Variants in IQSEC2 observed in about 807,000 individuals in gnomAD.
IQSEC2 encodes the protein IQ motif and SEC7 domain-containing protein 2.
IQSEC2 carries 6 observed loss-of-function variants against 74.6 expected under a neutral mutation model. The observed-to-expected ratio is 0.08, with a 90% CI of 0.04 to 0.16. IQSEC2 has a LOEUF of 0.16. Among genes scored for constraint, IQSEC2 ranks in the 10% least tolerant of loss-of-function variants. IQSEC2 has a pLI of 1.00. For missense variants in IQSEC2, 734 were observed against 1,306.2 expected (o/e 0.56, Z 6.75); for synonymous variants, 494 against 544.5 (o/e 0.91, Z 1.29).
rs782107573 is a variant in IQSEC2 at position 53,254,465 on chromosome X, A to C, written c.1401+65T>G. 59 of 1,079,464 alleles carry C rather than the reference A, an allele frequency of 5.5e-5. No individual in the cohort carries two copies. In the African/African-American group the frequency reaches 1.1e-3, roughly 19 times the overall value. The allele number at this position is 1,079,464 out of a possible 1,213,427, so 89.0% of individuals were successfully genotyped here. A position where few individuals can be genotyped will look rare whatever the true frequency, so the allele number is the denominator to read the frequency against. ...ACTTCTTTCAGTTTGCAATCTAGGT[A>C]AAAAGTAGCAGGAGTAGCCAGAACA... On this transcript the variant is annotated intron_variant, in intron 4 of 14. Transcript: ENST00000642864.
At position 53,234,635 on chromosome X, in the gene IQSEC2, G is replaced by C; in HGVS notation, c.4051C>G (p.Pro1351Ala). Residue 1351 changes from proline (P) to alanine (A), a missense_variant, in exon 15 of 15, where the codon CCT (proline) becomes GCT (alanine). Pro to Ala is a conservative substitution (Grantham distance 27, BLOSUM62 -1). Around this residue, in one of 12 missense-constraint regions of IQSEC2, gnomAD observed 249 missense variants for 467.9 expected, o/e 0.53. Coordinates refer to ENST00000642864, the MANE Select transcript of IQSEC2 (RefSeq NM_001111125.3). ...RAPRRGAGGH[P>A]QFAPHGRHPL... is the part of the protein sequence containing the mutation. ...TGGCGGCCATGTGGAGCAAACTGAG[G>C]GTGTCCTCCAGCCCCCCGTCTGGGT... 8.8e-7 allele frequency: 1 copy of C among 1,138,031 alleles called. No homozygotes were observed. The highest frequency in any genetic ancestry group is 1.2e-6 in the Non-Finnish European group (1 of 858,302). 93.8% of individuals were successfully genotyped at this position (1,138,031 alleles called of 1,213,427 possible).
intron 1 of IQSEC2, among the ~76,000 whole-genome samples, chrX:53,309,832 C>G (rs1030405493): frequency 8.9e-6 from 1 of 112,258 alleles, no homozygotes; most frequent in Non-Finnish European, 1.9e-5. Context: ...GATGCTAGAG[C>G]TATGCTTCAA....
chrX:53,238,271 G>C lies in IQSEC2; in HGVS notation c.3151C>G (p.Pro1051Ala). 1.7e-6 allele frequency: 2 copies of C among 1,211,704 alleles called. No homozygotes were observed. The highest frequency in any genetic ancestry group is 2.2e-6 in the Non-Finnish European group (2 of 895,355). Reference protein sequence around the residue: ...QFGIKLLSAVPGGERKVLIIF... With the variant: ...QFGIKLLSAVAGGERKVLIIF... Reference sequence around the variant, plus strand: ...ATGAGGACTTTTCGCTCCCCACCAGGTACTGCAGACAGCAACTTGATCCCA... The same window carrying C: ...ATGAGGACTTTTCGCTCCCCACCAGCTACTGCAGACAGCAACTTGATCCCA... Residue 1051 changes from proline to alanine, a missense_variant, in exon 12 of 15, where the codon CCT becomes GCT. By Grantham distance (27) the Pro-to-Ala change is conservative. This residue lies in a region of IQSEC2 where 249 missense variants were observed against 467.9 expected (regional missense o/e 0.53). Coordinates refer to ENST00000642864, the MANE Select transcript of IQSEC2 (RefSeq NM_001111125.3).
intron 7 of IQSEC2, 103 bp from the exon 8 acceptor site, chrX:53,247,238 C>A: frequency 1.3e-6 from 1 of 779,474 alleles, no homozygotes; most frequent in Non-Finnish European, 1.9e-6. Context: ...GCAAGAAATA[C>A]TTTCTTGATC....
chrX:53,269,230 C>T (rs1225145896), intron 2 of IQSEC2, among the ~76,000 whole-genome samples: 2 of 112,234 alleles, frequency 1.8e-5, no homozygotes, highest in Admixed American at 1.9e-4. Context: ...GAAGTCCTAG[C>T]CAGAAGTATT....
At chrX:53,289,173 A>ACGCATGCATG (rs1556872475) in intron 2 of IQSEC2, among the ~76,000 whole-genome samples, 8 of 108,468 alleles carry the variant, frequency 7.4e-5, no homozygotes, top group South Asian at 4.1e-4. Context: ...CCCCCTCCAC[A>ACGCATGCATG]CACACATGAA....
At chrX:53,258,971 A>G (rs1386009358) in intron 2 of IQSEC2, among the ~76,000 whole-genome samples, 6 of 111,693 alleles carry the variant, frequency 5.4e-5, no homozygotes, top group African/African-American at 9.8e-5. Flanking sequence ...CAGGTGGATC[A>G]CCTGAGGTCA....
chrX:53,243,616 G>A (rs2074258599), intron 8 of IQSEC2, 145 bp from the exon 9 acceptor site: 1 of 834,894 alleles, frequency 1.2e-6, no homozygotes, highest in Non-Finnish European at 1.6e-6. Context: ...AGCCAGGATT[G>A]GGGCAGGGAG....
chrX:53,289,390 G>A (rs17316038), intron 2 of IQSEC2, among the ~76,000 whole-genome samples: 9,732 of 110,526 alleles, frequency 0.088, 331 homozygotes, highest in East Asian at 0.14. Flanking sequence ...CCTGACCCGC[G>A]TTCTGACCTT....
chrX:53,282,494 C>T (rs1036278186), intron 2 of IQSEC2, among the ~76,000 whole-genome samples: 1 of 112,924 alleles, frequency 8.9e-6, no homozygotes. Context: ...TGTCCTTTCA[C>T]GGTCCCAGAG....
At chrX:53,277,860 G>A (rs1416426374) in intron 2 of IQSEC2, among the ~76,000 whole-genome samples, 1 of 109,261 alleles carries the variant, frequency 9.2e-6, no homozygotes, top group South Asian at 4.0e-4. Flanking sequence ...TAGTAGAGAC[G>A]GGGTTTTGCC....
intron 1 of IQSEC2, among the ~76,000 whole-genome samples, chrX:53,305,029 G>T (rs1205706374): frequency 9.3e-6 from 1 of 107,134 alleles, no homozygotes; most frequent in Non-Finnish European, 1.9e-5. Context: ...AGTGATTCTC[G>T]TGCCCCAGCC....
intron 6 of IQSEC2, 116 bp downstream of exon 6, chrX:53,248,605 T>C: frequency 2.5e-6 from 2 of 800,732 alleles, no homozygotes; most frequent in Non-Finnish European, 3.7e-6. Context: ...GGAAGGTCTA[T>C]TCATCCTGTT....
intron 2 of IQSEC2, among the ~76,000 whole-genome samples, chrX:53,276,215 G>C (rs1033362447): frequency 8.9e-6 from 1 of 112,102 alleles, no homozygotes; most frequent in Non-Finnish European, 1.9e-5. Context: ...TTTTACTCAA[G>C]TCTTCTTACA....
intron 1 of IQSEC2, among the ~76,000 whole-genome samples, chrX:53,316,482 C>T (rs1178465650): frequency 2.7e-5 from 3 of 110,789 alleles, no homozygotes; most frequent in East Asian, 5.7e-4. Flanking sequence ...AGCATGCTGA[C>T]ATCCCACTGC....
At chrX:53,238,074 G>GGATA in intron 12 of IQSEC2, 71 bp downstream of exon 12, 1 of 1,083,949 alleles carries the variant, frequency 9.2e-7, no homozygotes, top group Non-Finnish European at 1.3e-6. Context: ...GATTCTCTGA[G>GGATA]GATAGGATTC....
intron 2 of IQSEC2, chrX:53,281,451 T>C (rs1054199855): frequency 1.1e-5 from 9 of 790,572 alleles, no homozygotes; most frequent in Non-Finnish European, 1.7e-5. Context: ...GGTCCAGGCC[T>C]GGGCAGGAAG....
At chrX:53,307,915 G>T (rs1170010891) in intron 1 of IQSEC2, among the ~76,000 whole-genome samples, 1 of 106,461 alleles carries the variant, frequency 9.4e-6, no homozygotes, top group South Asian at 4.2e-4. Flanking sequence ...GGCCGGGCAC[G>T]GCGGCTCATG....
intron 1 of IQSEC2, among the ~76,000 whole-genome samples, chrX:53,295,022 C>T (rs2075137137): frequency 1.8e-5 from 2 of 110,892 alleles, no homozygotes; most frequent in South Asian, 7.7e-4. Context: ...AGGGTTTCGC[C>T]ATGTTGGCCA....
Sources: gnomAD v4.1 joint callset for allele counts (sites outside exome capture counted in the v4.1 genomes callset) on GRCh38, gnomAD v4.1.1 for gene constraint, gnomAD v4.1.1 regional missense constraint, MANE v1.5 for transcripts, NCBI Gene and HGNC (gene_info 2026-07-23, HGNC 2026-07-21) for gene names.